The following WDFY3 variants were observed in gnomAD, a reference collection of about 807,000 sequenced individuals.
The protein encoded by WDFY3 is WD repeat and FYVE domain containing 3.
WDFY3 carries 66 observed loss-of-function variants against 409.6 expected under a neutral mutation model. The ratio of observed to expected loss-of-function variants is 0.16; its 90% CI spans 0.13 to 0.20. WDFY3 has a LOEUF of 0.20. Ranked by LOEUF, WDFY3 falls within the 10% of genes least tolerant of loss-of-function variation. The pLI is 1.00. For missense variants in WDFY3, 3,031 were observed against 4,298.1 expected, an observed-to-expected ratio of 0.71 and a Z score of 8.24; for synonymous variants, 1,521 against 1,537.1, an observed-to-expected ratio of 0.99 and a Z score of 0.25.
At chr4:84,867,387 C>T (rs891349073) in intron 3 of WDFY3, among the ~76,000 whole-genome samples, 1 of 152,134 alleles carries the variant, frequency 6.6e-6, no homozygotes, top group African/African-American at 2.4e-5. Flanking sequence ...GAACAAACCA[C>T]AGAAGAATGT....
Position 84,670,068 on chromosome 4 carries a change from T to C in WDFY3, c.*2800A>G, listed in dbSNP as rs978676426. On this transcript the variant is annotated 3_prime_UTR_variant, in exon 68 of 68. Coordinates refer to ENST00000295888, the MANE Select transcript of WDFY3 (RefSeq NM_014991.6). ...AATAAGTTTCTACCAACTTTATACA[T>C]AAGAAAGTGCAAAATAACTTATCTA... 2 of 152,760 alleles carry C rather than the reference T, an allele frequency of 1.3e-5. No homozygotes were observed. Among genetic ancestry groups the C allele is most frequent in the Middle Eastern group, 3.4e-3 (1 of 294 alleles). The allele number at this position is 152,760 out of a possible 1,614,324, so 9.5% of individuals were successfully genotyped here.
Position 84,794,513 on chromosome 4 carries a change from A to T in WDFY3, c.3487+6T>A. On this transcript the variant is annotated splice_donor_region_variant and intron_variant, in intron 21 of 67. Transcript: ENST00000295888. ...TCAAAAGAAGAAAACAAAAAAAAAT[A>T]CTGACCATAATTTTGGAGGAGTTCC... 6.2e-7 allele frequency: 1 copy of T among 1,608,176 alleles called. No individual in the cohort carries two copies. Among genetic ancestry groups the T allele is most frequent in the Non-Finnish European group, 8.5e-7 (1 of 1,178,428 alleles).
chr4:84,686,079 G>T (rs868358176), intron 62 of WDFY3, among the ~76,000 whole-genome samples: 39 of 152,286 alleles, frequency 2.6e-4, no homozygotes, highest in Middle Eastern at 3.4e-3. Flanking sequence ...GCCGAGGCGG[G>T]CAGATCACAA....
chr4:84,890,748 T>C (rs1005300928), intron 3 of WDFY3, among the ~76,000 whole-genome samples: 1 of 152,218 alleles, frequency 6.6e-6, no homozygotes, highest in Non-Finnish European at 1.5e-5. Context: ...AAAGCAGCCA[T>C]ATATAATAGG....
chr4:84,864,094 C>A (rs1207525983), intron 3 of WDFY3, among the ~76,000 whole-genome samples: 1 of 152,054 alleles, frequency 6.6e-6, no homozygotes, highest in African/African-American at 2.4e-5. Flanking sequence ...AGGCCAGGCG[C>A]AATGGCTGAT....
At chr4:84,946,135 T>C (rs6820087) in intron 1 of WDFY3, among the ~76,000 whole-genome samples, 152,267 of 152,306 alleles carry the variant, frequency 1, 76,114 homozygotes, top group Middle Eastern at 1. Flanking sequence ...CAGACCCTTT[T>C]GGGAATGAAG....
chr4:84,672,699 C>G lies in WDFY3; in HGVS notation c.*169G>C, dbSNP rs1042517053. 4 of 963,578 alleles carry G rather than the reference C, an allele frequency of 4.2e-6. No homozygotes were observed. The Admixed American group carries it at 7.3e-5, about 18-fold the overall frequency. The allele number at this position is 963,578 out of a possible 1,614,324, so 59.7% of individuals were successfully genotyped here. On this transcript the variant is annotated 3_prime_UTR_variant, in exon 68 of 68. Coordinates refer to ENST00000295888, the MANE Select transcript of WDFY3 (RefSeq NM_014991.6). ...TCACCTGAATCGCGTCTGCCCCATT[C>G]CTGTACTCTACACCCGTTTTATTCA...
chr4:84,743,740 A>C lies in WDFY3; in HGVS notation c.6033T>G (p.Asp2011Glu). The change falls in exon 37 of 68, where the codon GAT becomes GAG. Residue 2011 changes from aspartate (D) to glutamate (E), a missense_variant. Around this residue, in one of 16 missense-constraint regions of WDFY3, gnomAD observed 314 missense variants for 397.4 expected, o/e 0.79. Coordinates refer to ENST00000295888, the MANE Select transcript of WDFY3 (RefSeq NM_014991.6). ...QQKEFQTYILDSVMDHLLAAD... is the reference protein window; with the variant it reads ...QQKEFQTYILESVMDHLLAAD... ...CTGCAAGCAAATGGTCCATCACGCT[A>C]TCCAAAATGTAAGTTTGAAATTCTT... 1 of 1,597,756 alleles carries C rather than the reference A, an allele frequency of 6.3e-7. No homozygotes were observed. The highest frequency in any genetic ancestry group is 8.5e-7 in the Non-Finnish European group (1 of 1,169,832).
chr4:84,741,970 A>C, intron 37 of WDFY3, 49 bp from the exon 38 acceptor site: 1 of 1,495,702 alleles, frequency 6.7e-7, no homozygotes, highest in Non-Finnish European at 9.0e-7. Context: ...ATCTACCAAC[A>C]CAGGACCAGA....
Position 84,740,227 on chromosome 4 carries a change from T to C in WDFY3, c.6424A>G (p.Ser2142Gly), listed in dbSNP as rs780772574. Reference protein sequence around the residue: ...GPGNHDQEFISCLAHCLINLH... With the variant: ...GPGNHDQEFIGCLAHCLINLH... Reference sequence around the variant, plus strand: ...TTTATCAAGCAGTGGGCCAGACAGCTAATGAATTCTTGGTCATGGTTCCCA... The same window carrying C: ...TTTATCAAGCAGTGGGCCAGACAGCCAATGAATTCTTGGTCATGGTTCCCA... Residue 2142 changes from serine to glycine, a missense_variant, in exon 39 of 68, where the codon AGC (serine) becomes GGC (glycine). Ser to Gly is a moderately conservative substitution (Grantham distance 56). Transcript: ENST00000295888. The C allele has an allele frequency of 4.3e-6, 7 of 1,614,112 alleles. No individual in the cohort carries two copies. The South Asian group carries it at 7.7e-5, about 18-fold the overall frequency.
At chr4:84,801,621 G>C in intron 17 of WDFY3, 29 bp downstream of exon 17, 2 of 1,573,388 alleles carry the variant, frequency 1.3e-6, no homozygotes, top group South Asian at 2.3e-5. Context: ...TACTAATTGT[G>C]GACTATTTGA....
intron 43 of WDFY3, among the ~76,000 whole-genome samples, chr4:84,734,687 C>A (rs533546233): frequency 6.6e-6 from 1 of 152,176 alleles, no homozygotes; most frequent in Admixed American, 6.5e-5. Flanking sequence ...GACTTGGATG[C>A]GTATTTTCAC....
chr4:84,961,660 TA>T (rs1774937769), intron 1 of WDFY3, among the ~76,000 whole-genome samples: 1 of 151,762 alleles, frequency 6.6e-6, no homozygotes, highest in African/African-American at 2.4e-5. Flanking sequence ...TAAAGAAAAT[TA>T]TTTTTTTATA....
intron 2 of WDFY3, among the ~76,000 whole-genome samples, chr4:84,900,613 T>C (rs1766224903): frequency 6.6e-6 from 1 of 152,188 alleles, no homozygotes; most frequent in Non-Finnish European, 1.5e-5. Flanking sequence ...TGTAATTCCA[T>C]TTATATGGTG....
At chr4:84,898,385 T>C (rs569025922) in intron 2 of WDFY3, among the ~76,000 whole-genome samples, 1 of 152,330 alleles carries the variant, frequency 6.6e-6, no homozygotes, top group South Asian at 2.1e-4. Flanking sequence ...GTGATTCAAG[T>C]GCCAGTGCCC....
rs190137494 is a variant in WDFY3 at position 84,852,168 on chromosome 4, T to C, written c.181-2143A>G. 2.8e-3 allele frequency among the ~76,000 whole-genome samples: 424 copies of C among 152,308 alleles called. 2 individuals carry two copies. The highest frequency in any genetic ancestry group is 9.9e-3 in the African/African-American group (413 of 41,568). On this transcript the variant is annotated intron_variant, in intron 4 of 67. Coordinates refer to ENST00000295888, the MANE Select transcript of WDFY3 (RefSeq NM_014991.6). ...AGTTTCTTGAAAACAAGCAGCTTGA[T>C]ACCAGGACAATAGGTCTCATAACTG... is the stretch of plus-strand genomic sequence containing the variant.
intron 56 of WDFY3, among the ~76,000 whole-genome samples, chr4:84,699,858 T>C (rs957853290): frequency 6.6e-6 from 1 of 152,038 alleles, no homozygotes; most frequent in Non-Finnish European, 1.5e-5. Flanking sequence ...TATAACTTAT[T>C]TGGGAAATTG....
chr4:84,713,154 C>T lies in WDFY3; in HGVS notation c.8042+5G>A. ...ACTGTAACATGCAAGGAACAAACCA[C>T]CTACCCCTGCTCCACACTCGTGTTT... is the stretch of plus-strand genomic sequence containing the variant. On this transcript the variant is annotated splice_donor_5th_base_variant and intron_variant, in intron 51 of 67. Transcript: ENST00000295888. The T allele has an allele frequency of 6.2e-7, 1 of 1,613,998 alleles. No homozygotes were observed. Among genetic ancestry groups the T allele is most frequent in the Non-Finnish European group, 8.5e-7 (1 of 1,179,860 alleles).
At chr4:84,896,030 G>T (rs1765583588) in intron 3 of WDFY3, among the ~76,000 whole-genome samples, 1 of 152,116 alleles carries the variant, frequency 6.6e-6, no homozygotes, top group Non-Finnish European at 1.5e-5. Context: ...GGCCGAGGGG[G>T]ACGGATCACG....
Sources: gnomAD v4.1 joint callset for allele counts (sites outside exome capture counted in the v4.1 genomes callset) on GRCh38, gnomAD v4.1.1 for gene constraint, gnomAD v4.1.1 regional missense constraint, MANE v1.5 for transcripts, NCBI Gene and HGNC (gene_info 2026-07-23, HGNC 2026-07-21) for gene names.